Variants in VPS54 observed in about 807,000 individuals in gnomAD.
VPS54 encodes the protein vacuolar protein sorting-associated protein 54.
A neutral mutation model predicts 121.5 loss-of-function variants in VPS54; 45 were observed. That is an observed-to-expected ratio of 0.37 (90% confidence interval 0.29 to 0.47). The LOEUF (loss-of-function observed/expected upper bound fraction) is 0.47. VPS54 is among the 20% of genes least tolerant of loss of function. The pLI, the probability that VPS54 is intolerant of heterozygous loss-of-function variation, is 0.99. For missense variants in VPS54, 1,090 were observed against 1,131.4 expected, an observed-to-expected ratio of 0.96 and a Z score of 0.52; for synonymous variants, 371 against 385.8, an observed-to-expected ratio of 0.96 and a Z score of 0.45.
At chr2:63,899,862 T>TCC (rs1221095649) in intron 20 of VPS54, among the ~76,000 whole-genome samples, 1 of 152,156 alleles carries the variant, frequency 6.6e-6, no homozygotes, top group Non-Finnish European at 1.5e-5. Flanking sequence ...TCCCAGCTCC[T>TCC]CCCATTCTAA....
At chr2:63,937,634 AT>A (rs1432176542) in intron 11 of VPS54, among the ~76,000 whole-genome samples, 1 of 152,180 alleles carries the variant, frequency 6.6e-6, no homozygotes, top group Non-Finnish European at 1.5e-5. Context: ...AGAAATTCCA[AT>A]TCTGGGGTTG....
chr2:63,933,252 A>T (rs776849624), intron 12 of VPS54, among the ~76,000 whole-genome samples: 3 of 152,094 alleles, frequency 2.0e-5, no homozygotes, highest in African/African-American at 4.8e-5. Context: ...TGAAAAACCA[A>T]AAGTTATAAA....
intron 1 of VPS54, among the ~76,000 whole-genome samples, chr2:63,985,437 G>T (rs1677004394): frequency 6.6e-6 from 1 of 152,140 alleles, no homozygotes; most frequent in Non-Finnish European, 1.5e-5. Flanking sequence ...ATATGTATCT[G>T]TCTCAGTACT....
chr2:63,939,852 C>T (rs1042748548), intron 11 of VPS54, among the ~76,000 whole-genome samples: 1 of 152,088 alleles, frequency 6.6e-6, no homozygotes, highest in South Asian at 2.1e-4. Flanking sequence ...CCTCCACCTC[C>T]CGGGTTCAAG....
At chr2:63,950,506 T>G (rs1034091888) in intron 7 of VPS54, among the ~76,000 whole-genome samples, 2 of 152,180 alleles carry the variant, frequency 1.3e-5, no homozygotes, top group Non-Finnish European at 2.9e-5. Context: ...CAGTCTCTTA[T>G]TGGCAAGGTA....
chr2:63,934,035 T>G (rs777819393), intron 11 of VPS54, 22 bp from the exon 12 acceptor site: 1 of 1,585,734 alleles, frequency 6.3e-7, no homozygotes, highest in African/African-American at 1.4e-5. Context: ...TAGGACACAC[T>G]TTTAAGGGAC....
chr2:64,014,854 G>C (rs1678605056), intron 1 of VPS54, among the ~76,000 whole-genome samples: 1 of 152,092 alleles, frequency 6.6e-6, no homozygotes, highest in South Asian at 2.1e-4. Flanking sequence ...TATCCATAAG[G>C]TATGGATGAT....
chr2:63,921,640 A>AC (rs1160320468), intron 12 of VPS54, among the ~76,000 whole-genome samples: 2 of 151,964 alleles, frequency 1.3e-5, no homozygotes, highest in African/African-American at 4.8e-5. Context: ...CAAACCCCCT[A>AC]CCTCAGCCTC....
chr2:63,947,478 A>G lies in VPS54; in HGVS notation c.1150T>C (p.Ser384Pro), dbSNP rs763188426. ...TGTTTTAAAAGTCCAAATACAAGAG[A>G]TATTAGTCTTTCCTGTTAAAATAAA... The part of the protein sequence containing the change: ...CQVLEEERLI[S>P]LVFGLLKQRK... Residue 384 changes from serine (S) to proline (P), a missense_variant, in exon 9 of 23, where the codon TCT becomes CCT. Ser to Pro is a moderately conservative substitution (Grantham distance 74). Around this residue, in one of 2 missense-constraint regions of VPS54, gnomAD observed 801 missense variants for 757.0 expected, o/e 1.06. Coordinates refer to ENST00000272322, the MANE Select transcript of VPS54 (RefSeq NM_016516.3). The G allele has an allele frequency of 2.0e-6, 3 of 1,511,750 alleles. No individual in the cohort carries two copies. Among genetic ancestry groups the G allele is most frequent in the Non-Finnish European group, 2.7e-6 (3 of 1,112,498 alleles). The allele number at this position is 1,511,750 out of a possible 1,614,324, so 93.6% of individuals were successfully genotyped here.
Position 63,979,125 on chromosome 2 carries a change from G to T in VPS54, c.378+2521C>A, listed in dbSNP as rs796934326. Among the ~76,000 whole-genome samples, 6 of 146,664 alleles carry T rather than the reference G, an allele frequency of 4.1e-5. 1 individual carries two copies. Among genetic ancestry groups the T allele is most frequent in the African/African-American group, 1.5e-4 (6 of 41,252 alleles). ...TTATCTTCTCTTTTTTTCCTAATCA[G>T]TATGCCAAAGGCTTATCGAGTTTAT... On this transcript the variant is annotated intron_variant, in intron 3 of 22. Coordinates refer to ENST00000272322, the MANE Select transcript of VPS54 (RefSeq NM_016516.3).
chr2:63,967,718 C>CAAAAAAACAAAAAAAAAA (rs1676070132), intron 5 of VPS54, among the ~76,000 whole-genome samples: 1 of 52,988 alleles, frequency 1.9e-5, no homozygotes, highest in Non-Finnish European at 3.7e-5. Flanking sequence ...GACTCTGCCT[C>CAAAAAAACAAAAAAAAAA]AAAAAAAAAA....
chr2:63,947,009 T>C (rs532247349), intron 9 of VPS54, among the ~76,000 whole-genome samples: 1 of 152,102 alleles, frequency 6.6e-6, no homozygotes, highest in South Asian at 2.1e-4. Context: ...ACAACCTAAA[T>C]ATTCAACACA....
chr2:64,019,184 C>G lies in VPS54; in HGVS notation c.-267G>C, dbSNP rs1678860564. The stretch of plus-strand genomic sequence containing the variant: ...GCAGCGGCGGCTCCCTCACGTCTCT[C>G]CCGGGTGTCCTGTCAGCCAGCAGTT... On this transcript the variant is annotated 5_prime_UTR_variant, in exon 1 of 23. Coordinates refer to ENST00000272322, the MANE Select transcript of VPS54 (RefSeq NM_016516.3). 6.6e-6 allele frequency: 1 copy of G among 151,188 alleles called. No individual in the cohort carries two copies. Among genetic ancestry groups the G allele is most frequent in the Non-Finnish European group, 1.5e-5 (1 of 67,810 alleles). The allele number at this position is 151,188 out of a possible 1,614,324, so 9.4% of individuals were successfully genotyped here. A position where few individuals can be genotyped will look rare whatever the true frequency, so the allele number is the denominator to read the frequency against.
At chr2:63,929,763 G>C (rs1387805759) in intron 12 of VPS54, among the ~76,000 whole-genome samples, 2 of 147,792 alleles carry the variant, frequency 1.4e-5, no homozygotes, top group African/African-American at 2.5e-5. Flanking sequence ...CAACAAAATT[G>C]ATCTAGCAAG....
rs150635007 is a variant in VPS54 at position 63,970,212 on chromosome 2, T to TACACACAC, written c.458-1229_458-1222dup. Among the ~76,000 whole-genome samples, 93 of 113,692 alleles carry TACACACAC rather than the reference T, an allele frequency of 8.2e-4. 1 individual carries two copies. The highest frequency in any genetic ancestry group is 2.0e-3 in the African/African-American group (63 of 32,026). The allele number at this position is 113,692 out of a possible 152,430, so 74.6% of individuals were successfully genotyped here. Reference sequence around the variant, plus strand: ...TTCCCATTAAAAAAAAATATATATATACACACACACACACACACACACACA... The same window carrying TACACACAC: ...TTCCCATTAAAAAAAAATATATATATACACACACACACACACACACACACACACACACA... On this transcript the variant is annotated intron_variant, in intron 4 of 22. Transcript: ENST00000272322.
intron 11 of VPS54, among the ~76,000 whole-genome samples, chr2:63,936,544 T>C (rs1413593809): frequency 5.3e-5 from 8 of 152,096 alleles, no homozygotes; most frequent in Non-Finnish European, 1.0e-4. Context: ...CATTCTGAAA[T>C]GACAGACTAG....
chr2:64,017,755 A>G (rs1420040272), intron 1 of VPS54, among the ~76,000 whole-genome samples: 1 of 152,262 alleles, frequency 6.6e-6, no homozygotes, highest in Non-Finnish European at 1.5e-5. Context: ...AGTTATCAGA[A>G]CATAATTTAA....
intron 1 of VPS54, among the ~76,000 whole-genome samples, chr2:63,988,952 G>A (rs1256908334): frequency 6.6e-6 from 1 of 152,158 alleles, no homozygotes; most frequent in Non-Finnish European, 1.5e-5. Context: ...TCTTTCCCCA[G>A]TAAGGAATAT....
chr2:63,986,113 C>G (rs1025549233), intron 1 of VPS54, among the ~76,000 whole-genome samples: 1 of 152,032 alleles, frequency 6.6e-6, no homozygotes, highest in African/African-American at 2.4e-5. Context: ...GGTATTTATC[C>G]TTTGTGTTAC....
Sources: allele counts gnomAD v4.1 joint callset (sites outside exome capture counted in the v4.1 genomes callset), GRCh38; gene constraint gnomAD v4.1.1; regional missense constraint gnomAD v4.1.1; transcripts MANE v1.5; gene names NCBI Gene and HGNC (gene_info 2026-07-23, HGNC 2026-07-21).